PTPRM: variants seen among roughly 807,000 people sequenced by gnomAD.
PTPRM encodes receptor-type tyrosine-protein phosphatase mu.
PTPRM carries 47 observed loss-of-function variants against 186.7 expected under a neutral mutation model. That is an observed-to-expected ratio of 0.25 (90% CI 0.20 to 0.32). The LOEUF (loss-of-function observed/expected upper bound fraction) is 0.32. Ranked by LOEUF, PTPRM falls within the 10% of genes least tolerant of loss-of-function variation. The pLI is 1.00. For missense variants in PTPRM, 1,494 were observed against 1,865.0 expected (o/e 0.80, Z 3.66); for synonymous variants, 668 against 674.9 (o/e 0.99, Z 0.16).
At chr18:7,610,261 A>T (rs2037639806) in intron 1 of PTPRM, among the ~76,000 whole-genome samples, 2 of 152,300 alleles carry the variant, frequency 1.3e-5, no homozygotes, top group South Asian at 4.1e-4. Flanking sequence ...AGGTTCTCAG[A>T]CTTGGGTTCC....
At chr18:7,966,442 A>G (rs2054058221) in intron 7 of PTPRM, among the ~76,000 whole-genome samples, 1 of 152,160 alleles carries the variant, frequency 6.6e-6, no homozygotes, top group Non-Finnish European at 1.5e-5. Flanking sequence ...AACCCTTTCT[A>G]GAAGGAGGAG....
chr18:7,732,896 G>T (rs2040691413), intron 1 of PTPRM, among the ~76,000 whole-genome samples: 1 of 151,998 alleles, frequency 6.6e-6, no homozygotes, highest in Non-Finnish European at 1.5e-5. Context: ...GCTTTTCCAG[G>T]GCTCCCTATG....
At chr18:7,625,557 CAG>C (rs200756090) in intron 1 of PTPRM, among the ~76,000 whole-genome samples, 3,222 of 151,890 alleles carry the variant, frequency 0.021, 118 homozygotes, top group African/African-American at 0.074. Flanking sequence ...TTTTTTGAGA[CAG>C]AGTCTCGCTC....
intron 1 of PTPRM, among the ~76,000 whole-genome samples, chr18:7,615,367 G>A (rs1366638019): frequency 2.6e-5 from 4 of 152,028 alleles, no homozygotes; most frequent in Admixed American, 6.6e-5. Flanking sequence ...GGAAGGGCAG[G>A]CTGTAGCAGG....
intron 7 of PTPRM, among the ~76,000 whole-genome samples, chr18:7,984,468 T>C (rs111748772): frequency 0.075 from 11,314 of 151,232 alleles, 532 homozygotes; most frequent in Non-Finnish European, 0.1. Flanking sequence ...TGTACAGCTG[T>C]ATTAAATATT....
chr18:8,091,153 A>G (rs534285093), intron 11 of PTPRM, among the ~76,000 whole-genome samples: 1 of 152,054 alleles, frequency 6.6e-6, no homozygotes, highest in Admixed American at 6.6e-5. Flanking sequence ...TACAGATCCA[A>G]ATGCTTGTCA....
At chr18:8,182,732 C>A (rs2093592728) in intron 14 of PTPRM, among the ~76,000 whole-genome samples, 1 of 152,178 alleles carries the variant, frequency 6.6e-6, no homozygotes, top group African/African-American at 2.4e-5. Flanking sequence ...TAACTTTGAT[C>A]GCTTTCTTGT....
intron 3 of PTPRM, among the ~76,000 whole-genome samples, chr18:7,903,961 G>A (rs892005910): frequency 1.3e-5 from 2 of 152,148 alleles, no homozygotes; most frequent in Non-Finnish European, 2.9e-5. Context: ...TTTAAAGATT[G>A]CATCTACGAT....
intron 5 of PTPRM, among the ~76,000 whole-genome samples, chr18:7,933,854 A>G (rs1448345060): frequency 1.3e-5 from 2 of 152,236 alleles, no homozygotes; most frequent in South Asian, 2.1e-4. Flanking sequence ...GCTTCAGGCT[A>G]TATAGCAAAT....
chr18:7,840,066 G>T (rs939506119), intron 2 of PTPRM, among the ~76,000 whole-genome samples: 1 of 145,442 alleles, frequency 6.9e-6, no homozygotes, highest in African/African-American at 2.5e-5. Context: ...GTATGGGGTG[G>T]GGTGGGGGGT....
chr18:7,692,765 G>A (rs181598429), intron 1 of PTPRM, among the ~76,000 whole-genome samples: 2 of 152,258 alleles, frequency 1.3e-5, no homozygotes, highest in African/African-American at 4.8e-5. Context: ...GCCATACCTC[G>A]TGTCCACCAC....
At chr18:8,303,432 A>G (rs980545372) in intron 20 of PTPRM, among the ~76,000 whole-genome samples, 3 of 152,160 alleles carry the variant, frequency 2.0e-5, no homozygotes, top group Non-Finnish European at 4.4e-5. Flanking sequence ...ATTTTGTTTT[A>G]TAGCAGTGTG....
intron 7 of PTPRM, among the ~76,000 whole-genome samples, chr18:8,063,437 C>A (rs1191591219): frequency 6.6e-6 from 1 of 152,172 alleles, no homozygotes; most frequent in Admixed American, 6.5e-5. Context: ...GAGCTGTAGA[C>A]CGGAGCTGTT....
intron 2 of PTPRM, among the ~76,000 whole-genome samples, chr18:7,806,011 G>T (rs1355452569): frequency 6.6e-6 from 1 of 152,240 alleles, no homozygotes; most frequent in Non-Finnish European, 1.5e-5. Context: ...AACTTGAGAA[G>T]ATCTGTGTAG....
chr18:8,002,539 T>G (rs563766974), intron 7 of PTPRM, among the ~76,000 whole-genome samples: 3 of 152,312 alleles, frequency 2.0e-5, no homozygotes, highest in African/African-American at 7.2e-5. Flanking sequence ...GGGACCCTGT[T>G]TTCTCCACCA....
At position 7,730,999 on chromosome 18, in the gene PTPRM, G is replaced by A. The variant is rs550827889; in HGVS notation, c.74-43150G>A. On this transcript the variant is annotated intron_variant, in intron 1 of 32. Coordinates refer to ENST00000580170, the MANE Select transcript of PTPRM (RefSeq NM_001105244.2). ...CACAGACTCTGCCTGGAAATTCAGC[G>A]TGAACATCCCTCATCTATCATAATT... 7.2e-5 allele frequency among the ~76,000 whole-genome samples: 11 copies of A among 152,282 alleles called. No homozygotes were observed. The South Asian group carries it at 1.9e-3, about 26-fold the overall frequency.
chr18:8,376,587 T>C lies in PTPRM; in HGVS notation c.3452T>C (p.Val1151Ala). The C allele has an allele frequency of 6.2e-7, 1 of 1,613,052 alleles. No homozygotes were observed. The highest frequency in any genetic ancestry group is 8.5e-7 in the Non-Finnish European group (1 of 1,179,762). ...RELRSRRVNM[V>A]QTEEQYVFIH... is the part of the protein sequence containing the mutation. ...CTGCGGTCACGGAGGGTGAACATGG[T>C]GCAAACAGAGGTACTCCCGCTCATC... is the stretch of plus-strand genomic sequence containing the variant. The change falls in exon 26 of 33, where the codon GTG (valine) becomes GCG (alanine). Residue 1151 changes from valine to alanine, a missense_variant. Around this residue, in one of 3 missense-constraint regions of PTPRM, gnomAD observed 1,107 missense variants for 1,350.2 expected, o/e 0.82. Coordinates refer to ENST00000580170, the MANE Select transcript of PTPRM (RefSeq NM_001105244.2).
In PTPRM at chr18:7,577,768, C is replaced by CTG. The variant is rs753573904; in HGVS notation, c.73+9892_73+9893dup. The stretch of plus-strand genomic sequence containing the variant: ...CATTGGCTCTCATTGGCATTGTGTT[C>CTG]TGTGTGTGTGTGTGTGAGGGAGGTT... On this transcript the variant is annotated intron_variant, in intron 1 of 32. Transcript: ENST00000580170. Among the ~76,000 whole-genome samples the CTG allele has an allele frequency of 7.3e-4, 110 of 151,248 alleles. No individual in the cohort carries two copies. In the East Asian group the frequency reaches 0.012, roughly 17 times the overall value.
intron 22 of PTPRM, among the ~76,000 whole-genome samples, chr18:8,328,406 C>T (rs539079371): frequency 6.6e-6 from 1 of 152,296 alleles, no homozygotes; most frequent in South Asian, 2.1e-4. Flanking sequence ...AAAAGCTCAG[C>T]CTTCAGTAAA....
Sources: allele counts gnomAD v4.1 joint callset (sites outside exome capture counted in the v4.1 genomes callset), GRCh38; gene constraint gnomAD v4.1.1; regional missense constraint gnomAD v4.1.1; transcripts MANE v1.5; gene names NCBI Gene and HGNC (gene_info 2026-07-23, HGNC 2026-07-21).